Variants in PTPRD observed in about 807,000 individuals in gnomAD.
PTPRD encodes the protein receptor-type tyrosine-protein phosphatase delta.
PTPRD carries 34 observed loss-of-function variants against 214.5 expected under a neutral mutation model. That is an observed-to-expected ratio of 0.16 (90% CI 0.12 to 0.21). The LOEUF is 0.21. PTPRD is among the 10% of genes least tolerant of loss of function. PTPRD has a pLI of 1.00. For synonymous variants in PTPRD, 1,128 were observed against 845.7 expected (o/e 1.33, Z -5.79); for missense variants, 2,545 against 2,398.7 (o/e 1.06, Z -1.27).
At chr9:8,405,292 A>G (rs1400684299) in intron 35 of PTPRD, among the ~76,000 whole-genome samples, 1 of 152,068 alleles carries the variant, frequency 6.6e-6, no homozygotes, top group Non-Finnish European at 1.5e-5. Flanking sequence ...ATACAACCCA[A>G]TGCATATAAA....
chr9:10,492,726 C>A (rs939588708), intron 2 of PTPRD, among the ~76,000 whole-genome samples: 1 of 152,106 alleles, frequency 6.6e-6, no homozygotes. Flanking sequence ...AATTAGATCC[C>A]ATTTGTCAAT....
intron 7 of PTPRD, among the ~76,000 whole-genome samples, chr9:9,641,906 T>G (rs1420297088): frequency 6.6e-6 from 1 of 152,238 alleles, no homozygotes; most frequent in East Asian, 1.9e-4. Context: ...GCCTCAGGAC[T>G]CAGACCTTAG....
intron 36 of PTPRD, among the ~76,000 whole-genome samples, chr9:8,390,550 T>G (rs1466819385): frequency 1.3e-5 from 1 of 76,618 alleles, no homozygotes; most frequent in East Asian, 2.3e-4. Context: ...TCTGTTAAGT[T>G]GCTTTATTGC....
chr9:10,467,273 T>C, intron 2 of PTPRD, among the ~76,000 whole-genome samples: 1 of 152,234 alleles, frequency 6.6e-6, no homozygotes, highest in East Asian at 1.9e-4. Context: ...GGAATAAACC[T>C]GTCAATATAC....
chr9:8,574,621 T>C (rs971328909), intron 14 of PTPRD, among the ~76,000 whole-genome samples: 1 of 152,062 alleles, frequency 6.6e-6, no homozygotes, highest in Non-Finnish European at 1.5e-5. Flanking sequence ...AAAATATTTT[T>C]CTTGCACTTT....
chr9:9,740,813 G>C (rs540066273), intron 6 of PTPRD, among the ~76,000 whole-genome samples: 1 of 152,292 alleles, frequency 6.6e-6, no homozygotes, highest in East Asian at 1.9e-4. Flanking sequence ...AAACTCACTA[G>C]TGGAAGCTAC....
At chr9:8,568,762 G>A (rs2090199578) in intron 14 of PTPRD, among the ~76,000 whole-genome samples, 1 of 151,726 alleles carries the variant, frequency 6.6e-6, no homozygotes, top group Non-Finnish European at 1.5e-5. Context: ...TTTTCTTTCA[G>A]AGGCATAACA....
At chr9:9,242,590 T>G (rs4376544) in intron 9 of PTPRD, among the ~76,000 whole-genome samples, 53,079 of 151,940 alleles carry the variant, frequency 0.35, 10,277 homozygotes, top group Middle Eastern at 0.48. Flanking sequence ...TTTCATTCAT[T>G]TGATCTTCCA....
chr9:9,677,208 C>T lies in PTPRD; in HGVS notation c.-287+57325G>A, dbSNP rs1182542774. Among the ~76,000 whole-genome samples the T allele has an allele frequency of 3.3e-5, 5 of 152,222 alleles. No individual in the cohort carries two copies. In the East Asian group the frequency reaches 9.7e-4, roughly 29 times the overall value. On this transcript the variant is annotated intron_variant, in intron 7 of 45. Coordinates refer to ENST00000381196, the MANE Select transcript of PTPRD (RefSeq NM_002839.4). ...TTAGACATGAAGTCCTTGCCCATGC[C>T]TATGTCCTGAATGGTATTGCCTAGG...
rs151166741 is a variant in PTPRD, at chr9:8,693,394, G to C, written c.64+40386C>G. Among the ~76,000 whole-genome samples, 289 of 152,208 alleles carry C rather than the reference G, an allele frequency of 1.9e-3. 2 individuals carry two copies. Among genetic ancestry groups the C allele is most frequent in the African/African-American group, 6.7e-3 (277 of 41,514 alleles). On this transcript the variant is annotated intron_variant, in intron 12 of 45. Transcript: ENST00000381196. ...GACGTACGCCAATGAAAATAAACTG[G>C]GATATCAGAGAAAACATGGAAAGAA... is the stretch of plus-strand genomic sequence containing the variant.
chr9:8,536,960 C>T (rs1246988417), intron 14 of PTPRD, among the ~76,000 whole-genome samples: 1 of 152,118 alleles, frequency 6.6e-6, no homozygotes, highest in East Asian at 1.9e-4. Context: ...ATCACAGTAT[C>T]AGGCTACAAA....
At chr9:8,733,736 C>A (rs768611964) in intron 12 of PTPRD, 44 bp downstream of exon 12, 9 of 1,547,416 alleles carry the variant, frequency 5.8e-6, no homozygotes, top group Admixed American at 2.0e-5. Context: ...AACAAAACCA[C>A]TCATTATGGT....
At chr9:9,473,729 G>A (rs2094801702) in intron 8 of PTPRD, among the ~76,000 whole-genome samples, 1 of 151,454 alleles carries the variant, frequency 6.6e-6, no homozygotes, top group Admixed American at 6.6e-5. Flanking sequence ...TGATTAATGA[G>A]ATTGAGCATT....
At chr9:9,917,540 G>A (rs2081294226) in intron 5 of PTPRD, among the ~76,000 whole-genome samples, 2 of 149,810 alleles carry the variant, frequency 1.3e-5, no homozygotes, top group East Asian at 3.9e-4. Flanking sequence ...TTCTTTTCAA[G>A]CTATTCCAAA....
intron 3 of PTPRD, among the ~76,000 whole-genome samples, chr9:10,336,872 G>C (rs2096853676): frequency 6.6e-6 from 1 of 151,614 alleles, no homozygotes; most frequent in African/African-American, 2.4e-5. Flanking sequence ...GTTGGATTTA[G>C]GGACTAAAGT....
At chr9:8,721,199 C>A (rs757367692) in intron 12 of PTPRD, among the ~76,000 whole-genome samples, 3 of 151,790 alleles carry the variant, frequency 2.0e-5, no homozygotes, top group African/African-American at 7.3e-5. Flanking sequence ...GAAGCCGAGG[C>A]AGGGGGATCA....
intron 8 of PTPRD, among the ~76,000 whole-genome samples, chr9:9,510,694 G>T (rs1590234979): frequency 6.7e-6 from 1 of 149,858 alleles, no homozygotes; most frequent in Non-Finnish European, 1.5e-5. Flanking sequence ...CTTTCCATTG[G>T]CTCTGCCCAC....
chr9:9,675,717 C>T (rs191368150), intron 7 of PTPRD, among the ~76,000 whole-genome samples: 1 of 152,050 alleles, frequency 6.6e-6, no homozygotes, highest in African/African-American at 2.4e-5. Flanking sequence ...AATAGGTCCA[C>T]CAAAATGCTT....
At chr9:8,661,121 C>G (rs953937389) in intron 12 of PTPRD, among the ~76,000 whole-genome samples, 1 of 152,020 alleles carries the variant, frequency 6.6e-6, no homozygotes, top group African/African-American at 2.4e-5. Flanking sequence ...TCTATAAATA[C>G]CCTGCTCTTT....
Sources: gnomAD v4.1 joint callset for allele counts (sites outside exome capture counted in the v4.1 genomes callset) on GRCh38, gnomAD v4.1.1 for gene constraint, MANE v1.5 for transcripts, NCBI Gene and HGNC (gene_info 2026-07-23, HGNC 2026-07-21) for gene names.